RAB11FIP3: variants seen among roughly 807,000 people sequenced by gnomAD.
RAB11FIP3 encodes RAB11 family interacting protein 3.
In RAB11FIP3, 17 loss-of-function variants were observed where a neutral mutation model predicts 77.8. That is an observed-to-expected ratio of 0.22 (90% CI 0.15 to 0.33). The LOEUF (loss-of-function observed/expected upper bound fraction) is 0.33, where lower values mean the gene tolerates loss of function less well. Among genes scored for constraint, RAB11FIP3 ranks in the 10% least tolerant of loss-of-function variants. The probability of loss-of-function intolerance (pLI) is 1.00; values close to 1 mark genes in which losing one functional copy is unlikely to be tolerated. For missense variants in RAB11FIP3, 1,005 were observed against 1,011.2 expected, an observed-to-expected ratio of 0.99 and a Z score of 0.08; for synonymous variants, 437 against 448.2, an observed-to-expected ratio of 0.98 and a Z score of 0.31.
intron 1 of RAB11FIP3, among the ~76,000 whole-genome samples, chr16:460,988 G>A (rs995795079): frequency 2.7e-5 from 4 of 150,398 alleles, no homozygotes; most frequent in Non-Finnish European, 4.4e-5. Flanking sequence ...CTTTGCATGT[G>A]GTGAAAAAGC....
chr16:484,827 C>T (rs569973589), intron 4 of RAB11FIP3, among the ~76,000 whole-genome samples: 34 of 152,246 alleles, frequency 2.2e-4, no homozygotes, highest in African/African-American at 7.5e-4. Flanking sequence ...GAGCATGGTA[C>T]GGCCCTAAGC....
rs759675366 is a variant in RAB11FIP3 at position 426,580 on chromosome 16, C to T, written c.574C>T (p.Pro192Ser). ...GCCCTCGGACCTCAGCCAGACCCAC[C>T]CCCTTCCGAGCGAGCCCGTGGGGAG... The part of the protein sequence containing the change: ...PQPSDLSQTH[P>S]LPSEPVGSQE... Residue 192 changes from proline (P) to serine (S), a missense_variant, in exon 1 of 14, where the codon CCC becomes TCC. Around this residue, in one of 4 missense-constraint regions of RAB11FIP3, gnomAD observed 466 missense variants for 408.3 expected, o/e 1.14. Coordinates refer to ENST00000262305, the MANE Select transcript of RAB11FIP3 (RefSeq NM_014700.4). This position sits in a 1 kb window ranked among gnomAD's most constrained non-coding sequence, Gnocchi z 5.0. 6.3e-7 allele frequency: 1 copy of T among 1,597,574 alleles called. No homozygotes were observed. Among genetic ancestry groups the T allele is most frequent in the Non-Finnish European group, 8.5e-7 (1 of 1,173,546 alleles).
chr16:458,367 C>T (rs1360413509), intron 1 of RAB11FIP3, among the ~76,000 whole-genome samples: 1 of 152,210 alleles, frequency 6.6e-6, no homozygotes, highest in Non-Finnish European at 1.5e-5. Context: ...GGTAGCAGCC[C>T]CGGCATCTGG....
rs749206715 is a variant in RAB11FIP3, at chr16:519,740, G to A, written c.1723-14G>A. Reference sequence around the variant, plus strand: ...TGCGTGACCCGCATCCAGGGCAGGTGTCCACCCCTGCAGGAGAAGCAGAAG... The same window carrying A: ...TGCGTGACCCGCATCCAGGGCAGGTATCCACCCCTGCAGGAGAAGCAGAAG... On this transcript the variant is annotated splice_polypyrimidine_tract_variant and intron_variant, in intron 10 of 13. Transcript: ENST00000262305. The A allele has an allele frequency of 3.7e-6, 6 of 1,611,370 alleles. No individual in the cohort carries two copies. The African/African-American group carries it at 8.0e-5, about 22-fold the overall frequency.
At chr16:473,256 G>A (rs189046396) in intron 3 of RAB11FIP3, among the ~76,000 whole-genome samples, 46 of 152,252 alleles carry the variant, frequency 3.0e-4, no homozygotes, top group African/African-American at 1.1e-3. Context: ...TCAGAAGGGT[G>A]GGAACCTGAC....
intron 5 of RAB11FIP3, among the ~76,000 whole-genome samples, chr16:493,033 T>C (rs2030730416): frequency 6.6e-6 from 1 of 152,130 alleles, no homozygotes; most frequent in African/African-American, 2.4e-5. Flanking sequence ...GGCAGATCAC[T>C]TGAGGCCAGG....
chr16:445,125 A>AAG (rs1418261645), intron 1 of RAB11FIP3, among the ~76,000 whole-genome samples: 3 of 140,310 alleles, frequency 2.1e-5, no homozygotes, highest in Non-Finnish European at 3.1e-5. Context: ...AAAAAAAAAA[A>AAG]AAAAAAGAAA....
intron 8 of RAB11FIP3, among the ~76,000 whole-genome samples, chr16:508,850 T>C (rs922699258): frequency 3.1e-4 from 47 of 152,258 alleles, no homozygotes; most frequent in Middle Eastern, 3.4e-3. Flanking sequence ...ATTTTATCTT[T>C]CTGTTCTTTT....
intron 5 of RAB11FIP3, 194 bp downstream of exon 5, chr16:489,194 G>T: frequency 1.5e-6 from 1 of 675,084 alleles, no homozygotes; most frequent in Non-Finnish European, 2.4e-6. Context: ...CTCTTCTCCA[G>T]CCACATCCCC....
chr16:520,265 C>T lies in RAB11FIP3; in HGVS notation c.2004C>T (p.Arg668=), dbSNP rs1297251914. 1 of 1,544,910 alleles carries T rather than the reference C, an allele frequency of 6.5e-7. No homozygotes were observed. Among genetic ancestry groups the T allele is most frequent in the Admixed American group, 1.9e-5 (1 of 51,284 alleles). ...ARESELEQEV[R]RLKQDNRNLK... is the part of the protein sequence containing the mutation. Reference sequence around the variant, plus strand: ...AGAGCGAGCTGGAGCAGGAGGTCCGCAGGCTGAAGCAGGTGGGCAGGCCTG... The same window carrying T: ...AGAGCGAGCTGGAGCAGGAGGTCCGTAGGCTGAAGCAGGTGGGCAGGCCTG... The change falls in exon 12 of 14, where the codon CGC becomes CGT. Residue 668 remains arginine (R), a synonymous_variant. Transcript: ENST00000262305.
Position 426,522 on chromosome 16 carries a change from G to A in RAB11FIP3, c.516G>A (p.Leu172=). The A allele has an allele frequency of 6.4e-7, 1 of 1,558,416 alleles. No individual in the cohort carries two copies. The highest frequency in any genetic ancestry group is 8.7e-7 in the Non-Finnish European group (1 of 1,152,908). Residue 172 remains leucine, a synonymous_variant, in exon 1 of 14, where the codon CTG becomes CTA. Transcript: ENST00000262305. This position sits in a 1 kb window ranked among gnomAD's most constrained non-coding sequence, Gnocchi z 5.0. ...TCCCCGCGCCCACGGCGGGCGAGCT[G>A]GCGCTGGAGCAAGGTCCCGGGTCCC... ...SPFPAPTAGE[L]ALEQGPGSPP...
chr16:462,630 C>CCCTTCCCCAGCATG (rs1567370891), intron 2 of RAB11FIP3, among the ~76,000 whole-genome samples: 34 of 35,660 alleles, frequency 9.5e-4, no homozygotes, highest in African/African-American at 4.1e-3. Context: ...TCCCCAGCAC[C>CCCTTCCCCAGCATG]ATCCCTTCCC....
intron 1 of RAB11FIP3, among the ~76,000 whole-genome samples, chr16:444,366 G>A (rs931993739): frequency 2.0e-5 from 3 of 152,124 alleles, no homozygotes; most frequent in African/African-American, 7.2e-5. Flanking sequence ...TGCTGAGAAC[G>A]GCTCTGAAGA....
In RAB11FIP3 at chr16:503,040, C is replaced by A. The variant is rs1411398309; in HGVS notation, c.1338C>A (p.Ala446=). The A allele has an allele frequency of 6.2e-7, 1 of 1,613,198 alleles. No individual in the cohort carries two copies. The highest frequency in any genetic ancestry group is 1.7e-5 in the Admixed American group (1 of 59,980). ...AGTCAGGGGCCCTGACCATGGAGGC[C>A]CTGGAGGACCCTTCCCCCGAGCTCA... The part of the protein sequence containing the change: ...LHQSGALTME[A]LEDPSPELME... The change falls in exon 7 of 14, where the codon GCC becomes GCA. Residue 446 remains alanine, a synonymous_variant. Coordinates refer to ENST00000262305, the MANE Select transcript of RAB11FIP3 (RefSeq NM_014700.4).
At chr16:465,939 A>G (rs2055694930) in intron 2 of RAB11FIP3, among the ~76,000 whole-genome samples, 1 of 152,174 alleles carries the variant, frequency 6.6e-6, no homozygotes. Context: ...AGGCACGTGT[A>G]TGAAATCACA....
rs1465743467 is a variant in RAB11FIP3, at chr16:489,508, G to A, written c.1265+508G>A. On this transcript the variant is annotated intron_variant, in intron 5 of 13. Transcript: ENST00000262305. Reference sequence around the variant, plus strand: ...TCCAGAGTCCTCTTGGCTTGGATCCGAACATGGGGGTCTGGGTACGTACTT... The same window carrying A: ...TCCAGAGTCCTCTTGGCTTGGATCCAAACATGGGGGTCTGGGTACGTACTT... Among the ~76,000 whole-genome samples, 3 of 152,292 alleles carry A rather than the reference G, an allele frequency of 2.0e-5. No homozygotes were observed. The East Asian group carries it at 5.8e-4, about 29-fold the overall frequency.
At chr16:444,424 C>A (rs141961151) in intron 1 of RAB11FIP3, among the ~76,000 whole-genome samples, 1 of 152,282 alleles carries the variant, frequency 6.6e-6, no homozygotes, top group African/African-American at 2.4e-5. Flanking sequence ...GTTGGATGAT[C>A]TCTTGATAAT....
intron 1 of RAB11FIP3, among the ~76,000 whole-genome samples, chr16:435,204 C>CAAAAAAAAAAAAAAAAA (rs371438435): frequency 2.2e-4 from 18 of 83,144 alleles, no homozygotes; most frequent in African/African-American, 7.7e-4. Context: ...GACTCCGTCT[C>CAAAAAAAAAAAAAAAAA]AAAAAAAAAA....
chr16:485,663 G>A (rs1567385783), intron 4 of RAB11FIP3, among the ~76,000 whole-genome samples: 1 of 152,132 alleles, frequency 6.6e-6, no homozygotes, highest in African/African-American at 2.4e-5. Flanking sequence ...CACCCACGTT[G>A]GCCTCCCAAA....
Sources: gnomAD v4.1 joint callset for allele counts (sites outside exome capture counted in the v4.1 genomes callset) on GRCh38, gnomAD v4.1.1 for gene constraint, gnomAD v4.1.1 regional missense constraint, Gnocchi (gnomAD v3.1) non-coding constraint, MANE v1.5 for transcripts, NCBI Gene and HGNC (gene_info 2026-07-23, HGNC 2026-07-21) for gene names.